The following DAAM2 variants were observed in gnomAD, a reference collection of about 807,000 sequenced individuals.
The protein encoded by DAAM2 is disheveled-associated activator of morphogenesis 2.
A neutral mutation model predicts 120.7 loss-of-function variants in DAAM2; 39 were observed. The ratio of observed to expected loss-of-function variants is 0.32; its 90% CI spans 0.25 to 0.42. DAAM2 has a LOEUF of 0.42. DAAM2 is among the 10% of genes least tolerant of loss of function. The pLI, the probability that DAAM2 is intolerant of heterozygous loss-of-function variation, is 1.00. For synonymous variants in DAAM2, 488 were observed against 524.9 expected (o/e 0.93, Z 0.96); for missense variants, 1,283 against 1,401.7 (o/e 0.92, Z 1.35).
Position 39,878,788 on chromosome 6 carries a change from G to T in DAAM2, c.1545+200G>T, listed in dbSNP as rs141517309. On this transcript the variant is annotated intron_variant, in intron 13 of 24. Coordinates refer to ENST00000274867, the MANE Select transcript of DAAM2 (RefSeq NM_001201427.2). The surrounding 1 kb of genome is among the most constrained non-coding windows in gnomAD (Gnocchi z 5.0). ...TAGAAAAATAATGTCCCTTCCTCTG[G>T]GTGACACTGTGCCAGGAAGCACACC... Among the ~76,000 whole-genome samples, 60 of 152,188 alleles carry T rather than the reference G, an allele frequency of 3.9e-4. 2 individuals carry two copies. In the East Asian group the frequency reaches 0.01, roughly 26 times the overall value.
In DAAM2 at chr6:39,846,667, T is replaced by C. The variant is rs544650183; in HGVS notation, c.-56-9580T>C. ...TGCAGACATTCCGCAGATTCAAACC[T>C]TTGTACTTCCCTTATCATAACCACA... On this transcript the variant is annotated intron_variant, in intron 1 of 24. Transcript: ENST00000274867. Among the ~76,000 whole-genome samples, 38 of 151,198 alleles carry C rather than the reference T, an allele frequency of 2.5e-4. 1 individual carries two copies.
chr6:39,851,758 C>A (rs544182715), intron 1 of DAAM2, among the ~76,000 whole-genome samples: 139 of 152,276 alleles, frequency 9.1e-4, no homozygotes, highest in African/African-American at 3.3e-3. Context: ...GGAATAGGAT[C>A]GCGCAGGCAG....
At chr6:39,869,785 A>G (rs1764583220) in intron 7 of DAAM2, among the ~76,000 whole-genome samples, 2 of 142,320 alleles carry the variant, frequency 1.4e-5, no homozygotes, top group Admixed American at 1.4e-4. Context: ...TTTTTTAAAA[A>G]CAATTTATCT....
intron 1 of DAAM2, among the ~76,000 whole-genome samples, chr6:39,827,238 C>T (rs2114168142): frequency 6.7e-6 from 1 of 148,450 alleles, no homozygotes; most frequent in East Asian, 2.0e-4. Flanking sequence ...GGTCCTGAGG[C>T]AAGTAGCCTG....
At position 39,901,420 on chromosome 6, in the gene DAAM2, C is replaced by A. The variant is rs1383067100; in HGVS notation, c.2930C>A (p.Ala977Asp). The A allele has an allele frequency of 4.3e-6, 7 of 1,613,324 alleles. No homozygotes were observed. Among genetic ancestry groups the A allele is most frequent in the Non-Finnish European group, 5.1e-6 (6 of 1,179,828 alleles). The change falls in exon 24 of 25, where the codon GCC becomes GAC. Residue 977 changes from alanine to aspartate, a missense_variant. Ala to Asp is a moderately radical substitution (Grantham distance 126, BLOSUM62 -2). Transcript: ENST00000274867. This position sits in a 1 kb window ranked among gnomAD's most constrained non-coding sequence, Gnocchi z 4.5. ...AFSEARQDLE[A>D]MRRRKEEEER... ...TCAGAGGCCCGGCAGGATCTAGAGG[C>A]CATGAGGAGGAGGAAGGAGGAGGAG...
chr6:39,878,072 A>T lies in DAAM2; in HGVS notation c.1302-131A>T. 1 of 870,948 alleles carries T rather than the reference A, an allele frequency of 1.1e-6. No homozygotes were observed. Among genetic ancestry groups the T allele is most frequent in the Non-Finnish European group, 1.8e-6 (1 of 559,818 alleles). 54.0% of individuals were successfully genotyped at this position (870,948 alleles called of 1,614,324 possible). A position where few individuals can be genotyped will look rare whatever the true frequency, so the allele number is the denominator to read the frequency against. ...GAGACACCTGGGAAGTCTAAATCCT[A>T]GCCCCCTTGATGTGGCTGGACAGAT... On this transcript the variant is annotated intron_variant, in intron 11 of 24. Transcript: ENST00000274867. This position sits in a 1 kb window ranked among gnomAD's most constrained non-coding sequence, Gnocchi z 5.0.
intron 1 of DAAM2, among the ~76,000 whole-genome samples, chr6:39,843,769 C>T (rs72857144): frequency 0.09 from 13,756 of 152,142 alleles, 1,190 homozygotes; most frequent in African/African-American, 0.22. Context: ...CCAATTGCTG[C>T]CTGTGAGTAG....
intron 14 of DAAM2, chr6:39,883,643 T>C: frequency 3.5e-6 from 1 of 287,132 alleles, no homozygotes; most frequent in Non-Finnish European, 6.6e-6. Flanking sequence ...CTTCTGACTT[T>C]GCTTTTGGAA....
At chr6:39,840,043 A>G (rs1763263684) in intron 1 of DAAM2, among the ~76,000 whole-genome samples, 1 of 152,116 alleles carries the variant, frequency 6.6e-6, no homozygotes, top group African/African-American at 2.4e-5. Flanking sequence ...CCTGGGCAAC[A>G]TGGTGAAACC....
chr6:39,811,328 C>T (rs1762155446), intron 1 of DAAM2, among the ~76,000 whole-genome samples: 2 of 152,116 alleles, frequency 1.3e-5, no homozygotes, highest in African/African-American at 4.8e-5. Context: ...TTTTCTCTCT[C>T]TGCCTCCGCC....
chr6:39,841,677 G>A (rs900992770), intron 1 of DAAM2, among the ~76,000 whole-genome samples: 1 of 152,110 alleles, frequency 6.6e-6, no homozygotes, highest in Non-Finnish European at 1.5e-5. Flanking sequence ...GCACTGAGGA[G>A]GGAGATCCCT....
chr6:39,808,871 A>G (rs984370545), intron 1 of DAAM2, among the ~76,000 whole-genome samples: 2 of 152,162 alleles, frequency 1.3e-5, no homozygotes, highest in African/African-American at 4.8e-5. Flanking sequence ...TTATTTATAC[A>G]TCGTGTAATT....
intron 1 of DAAM2, among the ~76,000 whole-genome samples, chr6:39,843,971 A>G (rs1168221189): frequency 6.6e-6 from 1 of 152,188 alleles, no homozygotes; most frequent in Non-Finnish European, 1.5e-5. Context: ...GGAATCAGTC[A>G]GACTGAGGTC....
Position 39,904,345 on chromosome 6 carries a change from A to G in DAAM2, c.*2308A>G, listed in dbSNP as rs1393520781. On this transcript the variant is annotated 3_prime_UTR_variant, in exon 25 of 25. Transcript: ENST00000274867. ...AGATGCCACTGTAGCCAGATCTCCA[A>G]CAGTGCCTTGGACCATGGACTCATA... is the stretch of plus-strand genomic sequence containing the variant. 5 of 456,570 alleles carry G rather than the reference A, an allele frequency of 1.1e-5. No individual in the cohort carries two copies. The highest frequency in any genetic ancestry group is 2.2e-5 in the Non-Finnish European group (5 of 226,968). The allele number at this position is 456,570 out of a possible 1,614,324, so 28.3% of individuals were successfully genotyped here.
At position 39,904,492 on chromosome 6, in the gene DAAM2, TTCTC is replaced by T. The variant is rs1487050783; in HGVS notation, c.*2457_*2460del. The stretch of plus-strand genomic sequence containing the variant: ...CTGCTCCTGCCACCTTTAGATAAGT[TTCTC>T]TAGCTAATTTTGTGGCCAATGTAAA... On this transcript the variant is annotated 3_prime_UTR_variant, in exon 25 of 25. Coordinates refer to ENST00000274867, the MANE Select transcript of DAAM2 (RefSeq NM_001201427.2). The T allele has an allele frequency of 2.2e-6, 1 of 454,312 alleles. No homozygotes were observed. Among genetic ancestry groups the T allele is most frequent in the African/African-American group, 2.0e-5 (1 of 50,004 alleles). 28.1% of individuals were successfully genotyped at this position (454,312 alleles called of 1,614,324 possible).
rs774387987 is a variant in DAAM2, at chr6:39,900,140, G to A, written c.2743G>A (p.Asp915Asn). The A allele has an allele frequency of 8.1e-6, 13 of 1,603,870 alleles. No individual in the cohort carries two copies. Among genetic ancestry groups the A allele is most frequent in the South Asian group, 3.4e-5 (3 of 88,784 alleles). The change falls in exon 23 of 25, where the codon GAC (aspartate) becomes AAC (asparagine). Residue 915 changes from aspartate to asparagine, a missense_variant. Coordinates refer to ENST00000274867, the MANE Select transcript of DAAM2 (RefSeq NM_001201427.2). ...TGACAAGTTTGTCCCTGTCATGAGCGACTTCATCACGGTGTCCAGCTTCAG... is the reference window on the plus strand; with the variant it reads ...TGACAAGTTTGTCCCTGTCATGAGCAACTTCATCACGGTGTCCAGCTTCAG... ...PSDKFVPVMS[D>N]FITVSSFSFS...
chr6:39,899,242 CTT>C (rs925270724), intron 22 of DAAM2, among the ~76,000 whole-genome samples: 2 of 152,220 alleles, frequency 1.3e-5, no homozygotes, highest in African/African-American at 4.8e-5. Flanking sequence ...ATCCTCATCC[CTT>C]GACTGCCAGC....
chr6:39,897,614 A>G (rs1408254259), intron 21 of DAAM2, among the ~76,000 whole-genome samples: 1 of 152,200 alleles, frequency 6.6e-6, no homozygotes, highest in African/African-American at 2.4e-5. Context: ...GATTATTCAT[A>G]AAGAGGTGGG....
intron 1 of DAAM2, among the ~76,000 whole-genome samples, chr6:39,797,640 G>C (rs73426591): frequency 7.8e-4 from 119 of 152,328 alleles, no homozygotes; most frequent in African/African-American, 2.5e-3. Context: ...AGTTCTGTAA[G>C]CTTCCCAGGT....
Sources: gnomAD v4.1 joint callset for allele counts (sites outside exome capture counted in the v4.1 genomes callset) on GRCh38, gnomAD v4.1.1 for gene constraint, Gnocchi (gnomAD v3.1) non-coding constraint, MANE v1.5 for transcripts, NCBI Gene and HGNC (gene_info 2026-07-23, HGNC 2026-07-21) for gene names.